The following TEK variants were observed in gnomAD, a reference collection of about 807,000 sequenced individuals.
TEK encodes the protein TEK receptor tyrosine kinase, also known as angiopoietin-1 receptor.
Under a neutral mutation model 131.8 loss-of-function variants are expected in TEK, and 43 were observed. The observed-to-expected ratio is 0.33, with a 90% CI of 0.26 to 0.42. The LOEUF (loss-of-function observed/expected upper bound fraction) is 0.42, where lower values mean the gene tolerates loss of function less well. Among genes scored for constraint, TEK ranks in the 10% least tolerant of loss-of-function variants. The pLI is 1.00. For synonymous variants in TEK, 580 were observed against 491.6 expected (o/e 1.18, Z -2.38); for missense variants, 1,162 against 1,384.4 (o/e 0.84, Z 2.55).
chr9:27,120,782 G>A (rs679026), intron 1 of TEK, among the ~76,000 whole-genome samples: 125,180 of 152,280 alleles, frequency 0.82, 51,736 homozygotes, highest in East Asian at 0.94. Context: ...ACCTGCTCAA[G>A]GATCAGAAGT....
At chr9:27,173,056 C>T (rs1280359990) in intron 5 of TEK, among the ~76,000 whole-genome samples, 166 bp from the exon 6 acceptor site, 2 of 152,040 alleles carry the variant, frequency 1.3e-5, no homozygotes, top group African/African-American at 4.8e-5. Flanking sequence ...GGGGCAGTTT[C>T]ATTATCAGTA....
chr9:27,219,628 G>T (rs1288205168), intron 20 of TEK, among the ~76,000 whole-genome samples: 2 of 92,258 alleles, frequency 2.2e-5, no homozygotes, highest in East Asian at 4.0e-4. Context: ...TTAAAAAACT[G>T]TTCTACAATA....
intron 2 of TEK, among the ~76,000 whole-genome samples, chr9:27,164,586 T>C (rs1262851766): frequency 1.3e-5 from 2 of 152,202 alleles, no homozygotes; most frequent in Non-Finnish European, 2.9e-5. Context: ...CACAAAGTGC[T>C]GGGATTACAG....
At chr9:27,201,372 T>G (rs1241030251) in intron 12 of TEK, among the ~76,000 whole-genome samples, 2 of 152,222 alleles carry the variant, frequency 1.3e-5, no homozygotes, top group African/African-American at 4.8e-5. Context: ...TTTATGAAGT[T>G]GAATTTTTTG....
chr9:27,206,917 C>G, intron 15 of TEK, 125 bp downstream of exon 15: 1 of 1,046,074 alleles, frequency 9.6e-7, no homozygotes, highest in Non-Finnish European at 1.4e-6. Context: ...CTGTTATTTG[C>G]AACTGAAGGT....
At chr9:27,197,200 C>A in intron 11 of TEK, 115 bp from the exon 12 acceptor site, 1 of 1,159,124 alleles carries the variant, frequency 8.6e-7, no homozygotes, top group Non-Finnish European at 1.2e-6. Context: ...TCACCTCCCA[C>A]CAGGCCCCAC....
At chr9:27,123,350 G>T (rs17761403) in intron 1 of TEK, among the ~76,000 whole-genome samples, 8 of 152,042 alleles carry the variant, frequency 5.3e-5, no homozygotes, top group African/African-American at 1.7e-4. Flanking sequence ...GGTACTAAAA[G>T]GATATGCGGG....
chr9:27,213,748 C>G (rs1215823107), intron 18 of TEK, 151 bp downstream of exon 18: 2 of 680,492 alleles, frequency 2.9e-6, no homozygotes, highest in South Asian at 1.5e-5. Flanking sequence ...AACATTCTTT[C>G]TAAATGTTGG....
At chr9:27,115,064 C>T (rs534008096) in intron 1 of TEK, among the ~76,000 whole-genome samples, 18 of 152,034 alleles carry the variant, frequency 1.2e-4, no homozygotes, top group Admixed American at 3.9e-4. Flanking sequence ...TGAATATAGG[C>T]GGATGAATTG....
intron 8 of TEK, 110 bp from the exon 9 acceptor site, chr9:27,185,375 G>A: frequency 7.5e-7 from 1 of 1,339,034 alleles, no homozygotes. Context: ...TTAGCTTCTT[G>A]ATCTCTCCTA....
intron 20 of TEK, 77 bp from the exon 21 acceptor site, chr9:27,219,972 T>G: frequency 2.0e-6 from 3 of 1,469,568 alleles, no homozygotes; most frequent in Non-Finnish European, 2.9e-6. Flanking sequence ...CCTGGCCCCT[T>G]ATATTTAGAA....
At chr9:27,219,225 C>G (rs1476640399) in intron 20 of TEK, among the ~76,000 whole-genome samples, 1 of 152,140 alleles carries the variant, frequency 6.6e-6, no homozygotes, top group Non-Finnish European at 1.5e-5. Flanking sequence ...CTGGAAGGCA[C>G]TACACAGAAA....
chr9:27,133,897 A>G (rs900583032), intron 1 of TEK, among the ~76,000 whole-genome samples: 4 of 152,196 alleles, frequency 2.6e-5, no homozygotes, highest in African/African-American at 9.6e-5. Flanking sequence ...AAGTTGCAGG[A>G]TTTGCTCAGA....
At chr9:27,173,503 T>C (rs1752742007) in intron 6 of TEK, 141 bp downstream of exon 6, 2 of 1,022,310 alleles carry the variant, frequency 2.0e-6, no homozygotes, top group African/African-American at 1.6e-5. Flanking sequence ...GAATCATGGA[T>C]GTTTACATCC....
intron 6 of TEK, among the ~76,000 whole-genome samples, chr9:27,179,873 C>T (rs1171891771): frequency 3.3e-5 from 5 of 152,114 alleles, no homozygotes; most frequent in Non-Finnish European, 5.9e-5. Flanking sequence ...GTCAACTGTA[C>T]CTAACAGTTA....
chr9:27,206,844 T>C (rs1825417194), intron 15 of TEK, 52 bp downstream of exon 15: 2 of 1,581,492 alleles, frequency 1.3e-6, no homozygotes, highest in African/African-American at 1.3e-5. Context: ...TGGAGAAAAC[T>C]TGATTTCCTG....
intron 21 of TEK, among the ~76,000 whole-genome samples, chr9:27,224,629 G>C (rs542974117): frequency 1.3e-5 from 2 of 152,146 alleles, no homozygotes; most frequent in African/African-American, 4.8e-5. Context: ...AGCTGTTTAT[G>C]ACAAACCCAC....
At chr9:27,132,720 A>G (rs912937492) in intron 1 of TEK, among the ~76,000 whole-genome samples, 18 of 152,254 alleles carry the variant, frequency 1.2e-4, no homozygotes, top group African/African-American at 3.4e-4. Flanking sequence ...TTTTCTGATT[A>G]TAAAAATAGT....
At chr9:27,192,784 C>A (rs1824872070) in intron 11 of TEK, among the ~76,000 whole-genome samples, 161 bp downstream of exon 11, 1 of 152,120 alleles carries the variant, frequency 6.6e-6, no homozygotes, top group African/African-American at 2.4e-5. Flanking sequence ...GACAGGAAGG[C>A]TAGCAACTTC....
Sources: gnomAD v4.1 joint callset for allele counts (sites outside exome capture counted in the v4.1 genomes callset) on GRCh38, gnomAD v4.1.1 for gene constraint, MANE v1.5 for transcripts, NCBI Gene and HGNC (gene_info 2026-07-23, HGNC 2026-07-21) for gene names.